Variants in PARD3B observed in about 807,000 individuals in gnomAD.
PARD3B encodes partitioning defective 3 homolog B.
A neutral mutation model predicts 130.2 loss-of-function variants in PARD3B; 103 were observed. That is an observed-to-expected ratio of 0.79 (90% CI 0.67 to 0.93). The LOEUF is 0.93. Ranked by LOEUF, PARD3B falls within the 40% of genes least tolerant of loss-of-function variation. PARD3B has a pLI of 0.00. For synonymous variants in PARD3B, 583 were observed against 553.2 expected, an observed-to-expected ratio of 1.05 and a Z score of -0.76; for missense variants, 1,609 against 1,499.2, an observed-to-expected ratio of 1.07 and a Z score of -1.21.
At chr2:205,493,207 T>C (rs1431815250) in intron 20 of PARD3B, among the ~76,000 whole-genome samples, 1 of 151,908 alleles carries the variant, frequency 6.6e-6, no homozygotes, top group Non-Finnish European at 1.5e-5. Context: ...GTTCCCACTA[T>C]GGAAAAAAAA....
intron 20 of PARD3B, among the ~76,000 whole-genome samples, chr2:205,471,241 C>T (rs192030508): frequency 7.4e-4 from 113 of 152,060 alleles, no homozygotes; most frequent in Middle Eastern, 3.4e-3. Context: ...TAACCAGTAC[C>T]ACTTTTTCAT....
intron 18 of PARD3B, among the ~76,000 whole-genome samples, chr2:205,395,909 C>A (rs192171249): frequency 1.3e-5 from 2 of 152,290 alleles, no homozygotes; most frequent in East Asian, 1.9e-4. Flanking sequence ...AGCTTCTCTG[C>A]GCCTTGAATG....
At chr2:205,237,493 T>C (rs2039120590) in intron 15 of PARD3B, among the ~76,000 whole-genome samples, 1 of 152,250 alleles carries the variant, frequency 6.6e-6, no homozygotes, top group Non-Finnish European at 1.5e-5. Context: ...TTGGCCTTTT[T>C]CTGAAATTAT....
intron 2 of PARD3B, among the ~76,000 whole-genome samples, chr2:204,787,016 G>A (rs1347834531): frequency 1.3e-5 from 2 of 151,970 alleles, no homozygotes; most frequent in East Asian, 1.9e-4. Context: ...TCAACAACAC[G>A]TACTTTTTTT....
chr2:205,618,221 A>G lies in PARD3B; in HGVS notation c.*2408A>G, dbSNP rs551469221. The G allele has an allele frequency of 2.0e-5, 3 of 152,366 alleles. No individual in the cohort carries two copies. In the South Asian group the frequency reaches 6.2e-4, roughly 32 times the overall value. 9.4% of individuals were successfully genotyped at this position (152,366 alleles called of 1,614,324 possible). ...GCAACAGTTTTCTTTCCTTGCTTGA[A>G]GTATAACACACGCTCCATTTGATCC... On this transcript the variant is annotated 3_prime_UTR_variant, in exon 23 of 23. Coordinates refer to ENST00000406610, the MANE Select transcript of PARD3B (RefSeq NM_001302769.2).
chr2:204,879,095 A>C (rs2045947739), intron 2 of PARD3B, among the ~76,000 whole-genome samples: 1 of 152,152 alleles, frequency 6.6e-6, no homozygotes, highest in African/African-American at 2.4e-5. Context: ...AATTATAGCT[A>C]TTTTGTAGGA....
chr2:205,430,096 G>A (rs2047278070), intron 19 of PARD3B, among the ~76,000 whole-genome samples: 1 of 152,146 alleles, frequency 6.6e-6, no homozygotes, highest in Admixed American at 6.5e-5. Flanking sequence ...CATGTACAGA[G>A]ACCTGTATCC....
At chr2:205,191,456 TCA>T (rs1429413674) in intron 14 of PARD3B, among the ~76,000 whole-genome samples, 1 of 152,126 alleles carries the variant, frequency 6.6e-6, no homozygotes, top group Non-Finnish European at 1.5e-5. Context: ...GGGCTCCTAG[TCA>T]CAGACTTGCT....
At chr2:205,075,602 CT>C (rs1461524023) in intron 4 of PARD3B, among the ~76,000 whole-genome samples, 1 of 150,784 alleles carries the variant, frequency 6.6e-6, no homozygotes, top group Non-Finnish European at 1.5e-5. Context: ...TATTTCTATA[CT>C]TCTTATTTCT....
chr2:204,914,811 C>T (rs987915371), intron 2 of PARD3B, among the ~76,000 whole-genome samples: 5 of 152,120 alleles, frequency 3.3e-5, no homozygotes, highest in African/African-American at 1.2e-4. Context: ...GAGTGGCCCA[C>T]GCGGTGGTGC....
intron 2 of PARD3B, among the ~76,000 whole-genome samples, chr2:204,804,014 G>C (rs2042672958): frequency 6.6e-6 from 1 of 152,224 alleles, no homozygotes; most frequent in South Asian, 2.1e-4. Context: ...AGGAGTTTGA[G>C]ACTAGTCTGG....
intron 15 of PARD3B, among the ~76,000 whole-genome samples, chr2:205,232,087 C>T (rs1395821199): frequency 6.6e-6 from 1 of 152,180 alleles, no homozygotes; most frequent in African/African-American, 2.4e-5. Flanking sequence ...TCCTGCCTAG[C>T]AGATCATAAA....
chr2:205,127,567 G>T (rs894978041), intron 10 of PARD3B, among the ~76,000 whole-genome samples: 2 of 152,168 alleles, frequency 1.3e-5, no homozygotes, highest in South Asian at 4.1e-4. Flanking sequence ...AAGAGTTATT[G>T]TATGGATTGG....
At chr2:204,640,188 T>C (rs1458686554) in intron 1 of PARD3B, among the ~76,000 whole-genome samples, 1 of 152,066 alleles carries the variant, frequency 6.6e-6, no homozygotes, top group African/African-American at 2.4e-5. Flanking sequence ...TCTGGGAGGT[T>C]GAGGGTGCAG....
chr2:205,322,791 A>G (rs1379956247), intron 18 of PARD3B, among the ~76,000 whole-genome samples: 1 of 150,858 alleles, frequency 6.6e-6, no homozygotes, highest in African/African-American at 2.4e-5. Context: ...TCTGTGCCCC[A>G]AATATCTCCC....
At chr2:205,348,169 T>C (rs2043863007) in intron 18 of PARD3B, 1 of 152,216 alleles carries the variant, frequency 6.6e-6, no homozygotes, top group Non-Finnish European at 1.5e-5. Context: ...CTAAAGGCAG[T>C]AAGTAAGTAA....
At chr2:205,503,701 T>A (rs1411747233) in intron 21 of PARD3B, among the ~76,000 whole-genome samples, 1 of 152,184 alleles carries the variant, frequency 6.6e-6, no homozygotes, top group Non-Finnish European at 1.5e-5. Context: ...TTTTTTCCAA[T>A]TCTGTGAAGA....
At chr2:204,595,542 G>A (rs183840101) in intron 1 of PARD3B, among the ~76,000 whole-genome samples, 14 of 152,320 alleles carry the variant, frequency 9.2e-5, no homozygotes, top group East Asian at 7.7e-4. Flanking sequence ...ATTGAAAGAC[G>A]AAGTTGAGTG....
chr2:205,577,480 C>T lies in PARD3B; in HGVS notation c.3260+24077C>T, dbSNP rs983005317. Among the ~76,000 whole-genome samples the T allele has an allele frequency of 3.3e-5, 5 of 152,084 alleles. No homozygotes were observed. In the South Asian group the frequency reaches 1.0e-3, roughly 32 times the overall value. ...AAATGGGAAAATACTTTAAATAATT[C>T]AGAGGATTTGATGCACTGCGGGTGA... On this transcript the variant is annotated intron_variant, in intron 22 of 22. Coordinates refer to ENST00000406610, the MANE Select transcript of PARD3B (RefSeq NM_001302769.2).
Sources: allele counts gnomAD v4.1 joint callset (sites outside exome capture counted in the v4.1 genomes callset), GRCh38; gene constraint gnomAD v4.1.1; transcripts MANE v1.5; gene names NCBI Gene and HGNC (gene_info 2026-07-23, HGNC 2026-07-21).